DGKH: variants seen among roughly 807,000 people sequenced by gnomAD.
DGKH encodes the protein DAG kinase eta.
A neutral mutation model predicts 159.3 loss-of-function variants in DGKH; 90 were observed. The ratio of observed to expected loss-of-function variants is 0.57; its 90% confidence interval spans 0.48 to 0.67. The LOEUF is 0.67. Among genes scored for constraint, DGKH ranks in the 30% least tolerant of loss-of-function variants. The pLI is 0.00. For synonymous variants in DGKH, 536 were observed against 553.8 expected (o/e 0.97, Z 0.45); for missense variants, 1,181 against 1,506.1 (o/e 0.78, Z 3.57).
intron 23 of DGKH, among the ~76,000 whole-genome samples, chr13:42,210,400 T>C (rs565634240): frequency 1.3e-5 from 2 of 152,346 alleles, no homozygotes; most frequent in Admixed American, 1.3e-4. Context: ...TTTTAACTTT[T>C]AAATGATGTA....
intron 17 of DGKH, among the ~76,000 whole-genome samples, chr13:42,197,491 A>G (rs1393507659): frequency 1.3e-5 from 2 of 152,186 alleles, no homozygotes; most frequent in Non-Finnish European, 2.9e-5. Context: ...AAACATTAAA[A>G]TAATGAATAA....
intron 1 of DGKH, among the ~76,000 whole-genome samples, chr13:42,060,378 T>A (rs1882064728): frequency 6.6e-6 from 1 of 152,220 alleles, no homozygotes; most frequent in Non-Finnish European, 1.5e-5. Flanking sequence ...TCGGTCTTTT[T>A]CTAGCCTGTA....
At chr13:42,065,563 C>G (rs555133868) in intron 1 of DGKH, among the ~76,000 whole-genome samples, 1 of 152,328 alleles carries the variant, frequency 6.6e-6, no homozygotes, top group Non-Finnish European at 1.5e-5. Context: ...CACTTTATGG[C>G]ATTGCCTTAA....
chr13:42,199,914 G>T lies in DGKH; in HGVS notation c.2493+5G>T. 1.3e-6 allele frequency: 2 copies of T among 1,594,330 alleles called. No homozygotes were observed. The highest frequency in any genetic ancestry group is 1.7e-6 in the Non-Finnish European group (2 of 1,173,322). ...GAACAAAGGGTTCAACTTGAGGTAA[G>T]TTCATCTTAAAGTAAAGATATTTCA... is the stretch of plus-strand genomic sequence containing the variant. On this transcript the variant is annotated splice_donor_5th_base_variant and intron_variant, in intron 20 of 29. Coordinates refer to ENST00000337343, the MANE Select transcript of DGKH (RefSeq NM_178009.5).
At chr13:42,162,053 T>C (rs1264034785) in intron 7 of DGKH, among the ~76,000 whole-genome samples, 1 of 152,194 alleles carries the variant, frequency 6.6e-6, no homozygotes, top group Non-Finnish European at 1.5e-5. Context: ...TTCTCTCGTT[T>C]TTCGTGGCAA....
chr13:42,089,803 A>G (rs1055559993), intron 1 of DGKH, among the ~76,000 whole-genome samples: 3 of 152,332 alleles, frequency 2.0e-5, no homozygotes, highest in Middle Eastern at 3.4e-3. Flanking sequence ...CCTTTGCCAC[A>G]TAAAGTAAAG....
chr13:42,168,208 C>A (rs2138015050), intron 9 of DGKH, among the ~76,000 whole-genome samples: 1 of 152,244 alleles, frequency 6.6e-6, no homozygotes, highest in Non-Finnish European at 1.5e-5. Flanking sequence ...ATTTCTCACC[C>A]CCATTCCTCC....
At chr13:42,205,339 A>T (rs1327001577) in intron 20 of DGKH, among the ~76,000 whole-genome samples, 1 of 152,348 alleles carries the variant, frequency 6.6e-6, no homozygotes, top group East Asian at 1.9e-4. Context: ...TTAAAAGTTA[A>T]TAGAATAAAC....
rs1958478356 is a variant in DGKH at position 42,239,502 on chromosome 13, T to G, written c.*10314T>G. On this transcript the variant is annotated 3_prime_UTR_variant, in exon 30 of 30. Coordinates refer to ENST00000337343, the MANE Select transcript of DGKH (RefSeq NM_178009.5). ...TTCAGTATGCAGTTGCATATTTCAT[T>G]TTTTGATTATGTCAAAAGTTGAATT... 6.6e-6 allele frequency: 1 copy of G among 152,640 alleles called. No individual in the cohort carries two copies. The highest frequency in any genetic ancestry group is 1.5e-5 in the Non-Finnish European group (1 of 68,016). The allele number at this position is 152,640 out of a possible 1,614,324, so 9.5% of individuals were successfully genotyped here.
intron 7 of DGKH, among the ~76,000 whole-genome samples, chr13:42,163,451 T>C (rs1307159085): frequency 6.6e-6 from 1 of 152,176 alleles, no homozygotes; most frequent in African/African-American, 2.4e-5. Context: ...ACTTCCACAA[T>C]GGTTGAACCA....
intron 1 of DGKH, among the ~76,000 whole-genome samples, chr13:42,085,621 G>A (rs1380680792): frequency 2.0e-5 from 3 of 152,082 alleles, no homozygotes; most frequent in Non-Finnish European, 4.4e-5. Flanking sequence ...TGTTTTTGGG[G>A]AAAAATGTAA....
At chr13:42,195,314 C>T (rs986558938) in intron 17 of DGKH, among the ~76,000 whole-genome samples, 7 of 148,134 alleles carry the variant, frequency 4.7e-5, no homozygotes, top group African/African-American at 1.5e-4. Flanking sequence ...GCCTGGCCAA[C>T]ACAGTGACAA....
intron 7 of DGKH, among the ~76,000 whole-genome samples, chr13:42,161,391 G>A (rs1956175734): frequency 6.6e-6 from 1 of 152,268 alleles, no homozygotes; most frequent in African/African-American, 2.4e-5. Flanking sequence ...GCTCACACCT[G>A]TAATCCCAGC....
chr13:42,165,042 C>T (rs1234567757), intron 7 of DGKH, among the ~76,000 whole-genome samples: 3 of 152,086 alleles, frequency 2.0e-5, no homozygotes, highest in African/African-American at 7.2e-5. Flanking sequence ...CCTTCCTCTG[C>T]ACTTGGTCTC....
intron 7 of DGKH, among the ~76,000 whole-genome samples, chr13:42,164,146 A>T (rs566559094): frequency 1.3e-5 from 2 of 152,340 alleles, no homozygotes; most frequent in East Asian, 1.9e-4. Flanking sequence ...CAAACAAAAT[A>T]AAAAAGCCCA....
intron 3 of DGKH, among the ~76,000 whole-genome samples, chr13:42,137,794 G>C (rs1367315502): frequency 1.3e-5 from 2 of 152,176 alleles, no homozygotes; most frequent in East Asian, 3.8e-4. Flanking sequence ...AAAGGTCTGG[G>C]AATCCTGGGA....
intron 11 of DGKH, among the ~76,000 whole-genome samples, chr13:42,172,103 T>C (rs943122449): frequency 9.2e-5 from 14 of 151,456 alleles, no homozygotes; most frequent in Admixed American, 4.6e-4. Context: ...GCTGGGATTA[T>C]AGGCATGAGC....
At chr13:42,170,776 C>A (rs1045284790) in intron 11 of DGKH, among the ~76,000 whole-genome samples, 1 of 152,112 alleles carries the variant, frequency 6.6e-6, no homozygotes, top group Non-Finnish European at 1.5e-5. Flanking sequence ...AACCCCGTCT[C>A]TACTAAAAAT....
intron 13 of DGKH, among the ~76,000 whole-genome samples, chr13:42,178,720 A>C (rs1956670129): frequency 6.6e-6 from 1 of 152,232 alleles, no homozygotes; most frequent in East Asian, 1.9e-4. Context: ...ACATGGAGCC[A>C]AAGCTACTTG....
Sources: allele counts gnomAD v4.1 joint callset (sites outside exome capture counted in the v4.1 genomes callset), GRCh38; gene constraint gnomAD v4.1.1; transcripts MANE v1.5; gene names NCBI Gene and HGNC (gene_info 2026-07-23, HGNC 2026-07-21).